Variants in ZNF385B observed in about 807,000 individuals in gnomAD.
The protein encoded by ZNF385B is zinc finger protein 385B, also known as zinc finger protein 533.
A neutral mutation model predicts 39.2 loss-of-function variants in ZNF385B; 23 were observed. The ratio of observed to expected loss-of-function variants is 0.59; its 90% CI spans 0.42 to 0.83. The LOEUF (loss-of-function observed/expected upper bound fraction) is 0.83, where lower values mean the gene tolerates loss of function less well. Ranked by LOEUF, ZNF385B falls within the 40% of genes least tolerant of loss-of-function variation. The pLI is 0.00. For missense variants in ZNF385B, 552 were observed against 598.9 expected, an observed-to-expected ratio of 0.92 and a Z score of 0.82; for synonymous variants, 205 against 222.6, an observed-to-expected ratio of 0.92 and a Z score of 0.70.
chr2:179,540,604 G>A (rs564771674), intron 4 of ZNF385B, among the ~76,000 whole-genome samples: 230 of 152,240 alleles, frequency 1.5e-3, no homozygotes, highest in African/African-American at 5.3e-3. Flanking sequence ...TAATAGATGG[G>A]GGAGTATGAA....
chr2:179,661,608 C>G (rs1694481579), intron 3 of ZNF385B, among the ~76,000 whole-genome samples: 2 of 152,218 alleles, frequency 1.3e-5, no homozygotes, highest in South Asian at 4.1e-4. Context: ...AACCATTGCT[C>G]TACCTTATTA....
At chr2:179,544,176 T>A (rs2060088912) in intron 4 of ZNF385B, among the ~76,000 whole-genome samples, 1 of 152,210 alleles carries the variant, frequency 6.6e-6, no homozygotes, top group African/African-American at 2.4e-5. Flanking sequence ...CCTACAAATG[T>A]TTTTCATTCA....
At chr2:179,572,885 T>C (rs1685392127) in intron 3 of ZNF385B, among the ~76,000 whole-genome samples, 1 of 152,158 alleles carries the variant, frequency 6.6e-6, no homozygotes, top group African/African-American at 2.4e-5. Context: ...ACAACAGCCA[T>C]GAATAAAGGG....
At chr2:179,489,604 G>C (rs1179777759) in intron 5 of ZNF385B, among the ~76,000 whole-genome samples, 2 of 152,160 alleles carry the variant, frequency 1.3e-5, no homozygotes, top group Non-Finnish European at 2.9e-5. Flanking sequence ...TTGAGTCACT[G>C]TTTCAAGATA....
intron 6 of ZNF385B, among the ~76,000 whole-genome samples, chr2:179,449,247 C>T (rs376757350): frequency 3.3e-4 from 50 of 152,096 alleles, no homozygotes; most frequent in African/African-American, 1.1e-3. Flanking sequence ...TGATTACTTC[C>T]GCTTGGGAAG....
At chr2:179,456,615 T>C (rs2050733541) in intron 6 of ZNF385B, among the ~76,000 whole-genome samples, 1 of 152,210 alleles carries the variant, frequency 6.6e-6, no homozygotes, top group South Asian at 2.1e-4. Flanking sequence ...AACCTAATAA[T>C]GTTAAGTTGG....
intron 1 of ZNF385B, among the ~76,000 whole-genome samples, chr2:179,826,910 G>A (rs917661601): frequency 1.3e-5 from 2 of 152,134 alleles, no homozygotes; most frequent in African/African-American, 2.4e-5. Flanking sequence ...CAAATCTTTT[G>A]TCCATTCCAC....
intron 5 of ZNF385B, among the ~76,000 whole-genome samples, chr2:179,490,631 G>T (rs937207751): frequency 6.8e-6 from 1 of 147,698 alleles, no homozygotes; most frequent in East Asian, 2.0e-4. Context: ...AAAAAAAAAA[G>T]TGCTTTTAAA....
intron 1 of ZNF385B, among the ~76,000 whole-genome samples, chr2:179,851,902 C>G (rs371874078): frequency 6.6e-6 from 1 of 152,148 alleles, no homozygotes; most frequent in African/African-American, 2.4e-5. Flanking sequence ...TCCTAAAGAT[C>G]AGACTACCTT....
intron 3 of ZNF385B, among the ~76,000 whole-genome samples, chr2:179,664,968 A>C (rs1026774747): frequency 3.3e-5 from 5 of 152,194 alleles, no homozygotes; most frequent in African/African-American, 4.8e-5. Flanking sequence ...ACTATGAAAA[A>C]AATTTTAAAC....
chr2:179,810,252 T>C (rs545163992), intron 1 of ZNF385B, among the ~76,000 whole-genome samples: 6 of 151,828 alleles, frequency 4.0e-5, no homozygotes, highest in South Asian at 2.1e-4. Context: ...TAGAGCAAAA[T>C]GACTTTAAAA....
At chr2:179,559,189 C>A (rs1186062668) in intron 3 of ZNF385B, among the ~76,000 whole-genome samples, 2 of 152,126 alleles carry the variant, frequency 1.3e-5, no homozygotes, top group Non-Finnish European at 2.9e-5. Context: ...ACTGCATGAG[C>A]AGGAACAACC....
At chr2:179,659,606 C>T (rs1370389190) in intron 3 of ZNF385B, among the ~76,000 whole-genome samples, 2 of 152,018 alleles carry the variant, frequency 1.3e-5, no homozygotes, top group Admixed American at 6.5e-5. Context: ...TGTTCCACTA[C>T]TTGAAACTAA....
intron 3 of ZNF385B, among the ~76,000 whole-genome samples, chr2:179,591,110 C>CACAT (rs1313200773): frequency 6.6e-6 from 1 of 151,774 alleles, no homozygotes; most frequent in African/African-American, 2.4e-5. Context: ...CATTTACACA[C>CACAT]ACACACACAC....
intron 6 of ZNF385B, among the ~76,000 whole-genome samples, chr2:179,471,334 G>A (rs899315175): frequency 6.6e-6 from 1 of 152,186 alleles, no homozygotes; most frequent in African/African-American, 2.4e-5. Flanking sequence ...ATGGAGAATA[G>A]AGAAAAATAA....
chr2:179,692,951 G>A (rs1255938586), intron 3 of ZNF385B, among the ~76,000 whole-genome samples: 4 of 152,108 alleles, frequency 2.6e-5, no homozygotes, highest in African/African-American at 9.7e-5. Context: ...GGACCTCATA[G>A]ACCCTGGCTA....
chr2:179,455,913 C>T lies in ZNF385B; in HGVS notation c.716-9143G>A, dbSNP rs893683403. On this transcript the variant is annotated intron_variant, in intron 6 of 9. Transcript: ENST00000410066. The stretch of plus-strand genomic sequence containing the variant: ...AAAAAAAAAAAAAATTATCCAGTCT[C>T]GGGTATGTCTTTATTAACAATGTGA... 8.0e-5 allele frequency among the ~76,000 whole-genome samples: 12 copies of T among 150,644 alleles called. No homozygotes were observed. In the South Asian group the frequency reaches 1.7e-3, roughly 21 times the overall value.
intron 1 of ZNF385B, among the ~76,000 whole-genome samples, chr2:179,852,122 A>G (rs1684220291): frequency 6.6e-6 from 1 of 152,236 alleles, no homozygotes; most frequent in African/African-American, 2.4e-5. Context: ...AATGTGCACC[A>G]CCACATCTGT....
At chr2:179,612,196 C>A (rs960518748) in intron 3 of ZNF385B, among the ~76,000 whole-genome samples, 1 of 152,190 alleles carries the variant, frequency 6.6e-6, no homozygotes, top group African/African-American at 2.4e-5. Flanking sequence ...GGTCATATAT[C>A]TCTATCTCTC....
Sources: allele counts gnomAD v4.1 joint callset (sites outside exome capture counted in the v4.1 genomes callset), GRCh38; gene constraint gnomAD v4.1.1; transcripts MANE v1.5; gene names NCBI Gene and HGNC (gene_info 2026-07-23, HGNC 2026-07-21).